The following CHST9 variants were observed in gnomAD, a reference collection of about 807,000 sequenced individuals.
CHST9 encodes the protein carbohydrate sulfotransferase 9, also known as GalNAc-4-sulfotransferase 2.
In CHST9, 41 loss-of-function variants were observed where a neutral mutation model predicts 44.4. The observed-to-expected ratio is 0.92, with a 90% CI of 0.72 to 1.20. The LOEUF (loss-of-function observed/expected upper bound fraction) is 1.20. CHST9 is among the 50% of genes most tolerant of loss of function. The pLI, the probability that CHST9 is intolerant of heterozygous loss-of-function variation, is 0.00. For missense variants in CHST9, 504 were observed against 516.5 expected (o/e 0.98, Z 0.23); for synonymous variants, 171 against 178.4 (o/e 0.96, Z 0.33).
At chr18:27,115,806 T>C (rs1289897753) in intron 2 of CHST9, among the ~76,000 whole-genome samples, 2 of 152,172 alleles carry the variant, frequency 1.3e-5, no homozygotes, top group Non-Finnish European at 1.5e-5. Context: ...AGCCACCATG[T>C]CCAGCCCTGT....
At chr18:26,924,917 A>G (rs2055735328) in intron 5 of CHST9, 1 of 152,192 alleles carries the variant, frequency 6.6e-6, no homozygotes, top group Admixed American at 6.5e-5. Context: ...TTGCCCTTCC[A>G]CCTTCAGTTA....
chr18:27,132,442 A>T (rs2058480071), intron 2 of CHST9, among the ~76,000 whole-genome samples: 1 of 152,208 alleles, frequency 6.6e-6, no homozygotes, highest in Non-Finnish European at 1.5e-5. Flanking sequence ...ACTTCTGAAA[A>T]ATCGAGTTAA....
At chr18:27,118,054 T>C (rs1047607725) in intron 2 of CHST9, among the ~76,000 whole-genome samples, 5 of 152,238 alleles carry the variant, frequency 3.3e-5, no homozygotes, top group Non-Finnish European at 7.3e-5. Flanking sequence ...TGCCAGCATT[T>C]GTGGTGTCAG....
intron 4 of CHST9, among the ~76,000 whole-genome samples, chr18:26,949,197 C>G (rs1366718950): frequency 1.3e-5 from 2 of 151,854 alleles, no homozygotes; most frequent in East Asian, 3.9e-4. Context: ...TGAGCCCAGG[C>G]AGTGAGAATG....
At chr18:27,108,334 CT>C (rs61486190) in intron 2 of CHST9, among the ~76,000 whole-genome samples, 1,957 of 152,162 alleles carry the variant, frequency 0.013, 45 homozygotes, top group African/African-American at 0.044. Context: ...TTCTTTAGGA[CT>C]TTTTATATAA....
At position 27,178,171 on chromosome 18, in the gene CHST9, T is replaced by C. The variant is rs76377848; in HGVS notation, c.-97+6965A>G. Among the ~76,000 whole-genome samples the C allele has an allele frequency of 3.1e-3, 465 of 152,114 alleles. 2 individuals are homozygous for C. The highest frequency in any genetic ancestry group is 0.011 in the African/African-American group (440 of 41,530). ...ACAGATCAAATTGTGTTCTGTACAA[T>C]TGCTGCATCCTCTTTGTCGGAAAAG... On this transcript the variant is annotated intron_variant, in intron 1 of 5. Transcript: ENST00000618847.
chr18:27,057,977 T>C (rs918116067), intron 2 of CHST9, among the ~76,000 whole-genome samples: 1 of 152,216 alleles, frequency 6.6e-6, no homozygotes, highest in East Asian at 1.9e-4. Context: ...TTCCCAACAT[T>C]GGTCTGGCTG....
chr18:26,972,006 A>AGGAG (rs1357196993), intron 4 of CHST9, among the ~76,000 whole-genome samples: 1 of 152,128 alleles, frequency 6.6e-6, no homozygotes, highest in African/African-American at 2.4e-5. Context: ...GAGTTTGGTG[A>AGGAG]GGAGGTTGTG....
intron 1 of CHST9, among the ~76,000 whole-genome samples, chr18:27,184,213 C>T (rs2058936772): frequency 6.6e-6 from 1 of 152,078 alleles, no homozygotes; most frequent in African/African-American, 2.4e-5. Flanking sequence ...CACTTGCCAT[C>T]GCTTTCAAAA....
chr18:27,031,270 G>A (rs775107904), intron 3 of CHST9, among the ~76,000 whole-genome samples: 20 of 152,130 alleles, frequency 1.3e-4, no homozygotes, highest in Non-Finnish European at 2.6e-4. Flanking sequence ...AGTGCAGCTG[G>A]ACTTGAATGA....
chr18:27,149,832 G>A (rs1467562148), intron 1 of CHST9, among the ~76,000 whole-genome samples: 4 of 151,684 alleles, frequency 2.6e-5, no homozygotes, highest in Non-Finnish European at 4.4e-5. Context: ...TCCTAATGCC[G>A]TATTTTTCAT....
chr18:27,152,425 A>C (rs1290745254), intron 1 of CHST9, among the ~76,000 whole-genome samples: 1 of 152,112 alleles, frequency 6.6e-6, no homozygotes, highest in Non-Finnish European at 1.5e-5. Context: ...ATTTGCATTA[A>C]AGAGTGAAAA....
chr18:27,027,879 A>G (rs758949209), intron 3 of CHST9, among the ~76,000 whole-genome samples: 27 of 152,172 alleles, frequency 1.8e-4, no homozygotes, highest in Non-Finnish European at 3.7e-4. Flanking sequence ...CTCACATATA[A>G]TTCTATAGCC....
At chr18:27,048,953 A>AG (rs1392296050) in intron 2 of CHST9, among the ~76,000 whole-genome samples, 4 of 152,254 alleles carry the variant, frequency 2.6e-5, no homozygotes, top group Non-Finnish European at 4.4e-5. Context: ...TTAAGAAAGG[A>AG]GGGGGTGCTC....
At chr18:27,162,133 G>C (rs961180037) in intron 1 of CHST9, among the ~76,000 whole-genome samples, 3 of 152,186 alleles carry the variant, frequency 2.0e-5, no homozygotes, top group African/African-American at 7.2e-5. Context: ...TGTTATGTGT[G>C]AATTTGATCC....
Position 27,106,811 on chromosome 18 carries a change from G to A in CHST9, c.121+35878C>T, listed in dbSNP as rs528292740. 3.3e-5 allele frequency among the ~76,000 whole-genome samples: 5 copies of A among 152,262 alleles called. No individual in the cohort carries two copies. In the East Asian group the frequency reaches 9.7e-4, roughly 29 times the overall value. Reference sequence around the variant, plus strand: ...TTTACCAGTCTATCGCAGTTGGCAAGTTAATCTACCTGCTTACTACCCTAT... The same window carrying A: ...TTTACCAGTCTATCGCAGTTGGCAAATTAATCTACCTGCTTACTACCCTAT... On this transcript the variant is annotated intron_variant, in intron 2 of 5. Transcript: ENST00000618847.
intron 4 of CHST9, among the ~76,000 whole-genome samples, chr18:27,007,937 T>G (rs531874338): frequency 6.6e-6 from 1 of 152,252 alleles, no homozygotes; most frequent in African/African-American, 2.4e-5. Context: ...ACTGACTGAT[T>G]TATTTTTTGG....
At chr18:27,098,599 A>C (rs1231528554) in intron 2 of CHST9, among the ~76,000 whole-genome samples, 1 of 152,176 alleles carries the variant, frequency 6.6e-6, no homozygotes, top group Non-Finnish European at 1.5e-5. Flanking sequence ...TGGCACATAT[A>C]CACCATGGAA....
intron 2 of CHST9, among the ~76,000 whole-genome samples, chr18:27,121,507 T>TTATACCC (rs1598738904): frequency 6.6e-6 from 1 of 152,174 alleles, no homozygotes; most frequent in East Asian, 1.9e-4. Flanking sequence ...TGGCAGCTGG[T>TTATACCC]ACATAGGTTA....
Sources: gnomAD v4.1 joint callset for allele counts (sites outside exome capture counted in the v4.1 genomes callset) on GRCh38, gnomAD v4.1.1 for gene constraint, MANE v1.5 for transcripts, NCBI Gene and HGNC (gene_info 2026-07-23, HGNC 2026-07-21) for gene names.